The following SLC25A13 variants were observed in gnomAD, a reference collection of about 807,000 sequenced individuals.
The protein encoded by SLC25A13 is solute carrier family 25 member 13.
SLC25A13 carries 70 observed loss-of-function variants against 85.5 expected under a neutral mutation model. The observed-to-expected ratio is 0.82, with a 90% CI of 0.68 to 1.00. The LOEUF is 1.00. Among genes scored for constraint, SLC25A13 ranks in the 50% least tolerant of loss-of-function variants. The pLI is 0.00. For synonymous variants in SLC25A13, 259 were observed against 288.7 expected (o/e 0.90, Z 1.04); for missense variants, 765 against 819.8 (o/e 0.93, Z 0.82).
chr7:96,282,922 G>T (rs1262433155), intron 2 of SLC25A13, among the ~76,000 whole-genome samples: 1 of 152,036 alleles, frequency 6.6e-6, no homozygotes, highest in African/African-American at 2.4e-5. Flanking sequence ...CAACAGATTG[G>T]CATAAAGTCT....
At chr7:96,159,326 G>A (rs1793409144) in intron 13 of SLC25A13, among the ~76,000 whole-genome samples, 1 of 152,210 alleles carries the variant, frequency 6.6e-6, no homozygotes, top group East Asian at 1.9e-4. Context: ...CAGGACCTCA[G>A]AATGTGACCG....
intron 4 of SLC25A13, among the ~76,000 whole-genome samples, chr7:96,229,351 A>G (rs548288008): frequency 3.7e-4 from 57 of 152,312 alleles, no homozygotes; most frequent in African/African-American, 1.3e-3. Flanking sequence ...AAATGCACCA[A>G]TCAGCACTCT....
At chr7:96,277,813 A>G (rs1306726165) in intron 2 of SLC25A13, among the ~76,000 whole-genome samples, 5 of 146,134 alleles carry the variant, frequency 3.4e-5, no homozygotes, top group Admixed American at 1.4e-4. Flanking sequence ...AAAAAAAAAA[A>G]GTGGAATTAC....
At chr7:96,189,409 A>G in intron 8 of SLC25A13, 31 bp from the exon 9 acceptor site, 1 of 1,591,858 alleles carries the variant, frequency 6.3e-7, no homozygotes, top group African/African-American at 1.3e-5. Context: ...CAAGCAACAA[A>G]TATACCAATT....
At chr7:96,158,726 C>A (rs1221537658) in intron 13 of SLC25A13, among the ~76,000 whole-genome samples, 2 of 152,104 alleles carry the variant, frequency 1.3e-5, no homozygotes, top group Non-Finnish European at 2.9e-5. Flanking sequence ...ATTATCTGGA[C>A]ACAAACACAA....
intron 2 of SLC25A13, among the ~76,000 whole-genome samples, chr7:96,290,660 C>G (rs1338242502): frequency 6.7e-6 from 1 of 149,880 alleles, no homozygotes; most frequent in Non-Finnish European, 1.5e-5. Context: ...TTTAAACCAA[C>G]AAAGATCAAA....
intron 1 of SLC25A13, among the ~76,000 whole-genome samples, chr7:96,308,140 C>T (rs549211896): frequency 3.7e-4 from 51 of 139,086 alleles, no homozygotes; most frequent in African/African-American, 1.2e-3. Context: ...GCAACAAGAG[C>T]GAAACTCCAT....
At chr7:96,172,660 C>A (rs1017930905) in intron 11 of SLC25A13, among the ~76,000 whole-genome samples, 2 of 152,174 alleles carry the variant, frequency 1.3e-5, no homozygotes, top group African/African-American at 2.4e-5. Flanking sequence ...GACATCCCAG[C>A]CATCTGCTCT....
At chr7:96,225,183 T>C (rs763209186) in intron 4 of SLC25A13, among the ~76,000 whole-genome samples, 16 of 152,226 alleles carry the variant, frequency 1.1e-4, no homozygotes, top group Non-Finnish European at 2.2e-4. Context: ...CACCTGGTTC[T>C]TCTTCCTTTC....
At chr7:96,121,537 A>G in intron 17 of SLC25A13, 118 bp downstream of exon 17, 1 of 1,394,100 alleles carries the variant, frequency 7.2e-7, no homozygotes, top group Admixed American at 1.7e-5. Flanking sequence ...ACACAATTTC[A>G]ACATTTCCCT....
chr7:96,298,097 T>C (rs1326011509), intron 1 of SLC25A13, among the ~76,000 whole-genome samples: 1 of 152,122 alleles, frequency 6.6e-6, no homozygotes, highest in Admixed American at 6.5e-5. Context: ...AGCCACCCCA[T>C]GATGAAGCCA....
At chr7:96,218,156 C>A (rs548796005) in intron 4 of SLC25A13, among the ~76,000 whole-genome samples, 1 of 152,220 alleles carries the variant, frequency 6.6e-6, no homozygotes, top group Non-Finnish European at 1.5e-5. Flanking sequence ...CAAATATTTA[C>A]AAATACTATT....
At chr7:96,278,125 T>C (rs1371469766) in intron 2 of SLC25A13, among the ~76,000 whole-genome samples, 1 of 152,182 alleles carries the variant, frequency 6.6e-6, no homozygotes, top group Non-Finnish European at 1.5e-5. Context: ...AGAGAGCCCA[T>C]TAATTTCTGT....
intron 2 of SLC25A13, among the ~76,000 whole-genome samples, chr7:96,289,231 G>A (rs2116974241): frequency 6.6e-6 from 1 of 152,270 alleles, no homozygotes; most frequent in African/African-American, 2.4e-5. Context: ...AAACAGAAAG[G>A]ACATCCACAC....
chr7:96,266,468 T>G (rs1798046356), intron 3 of SLC25A13, among the ~76,000 whole-genome samples: 1 of 152,126 alleles, frequency 6.6e-6, no homozygotes, highest in Non-Finnish European at 1.5e-5. Flanking sequence ...TCACCTTTCC[T>G]TTTCAATAAA....
chr7:96,299,872 C>G (rs1298746243), intron 1 of SLC25A13, among the ~76,000 whole-genome samples: 1 of 152,122 alleles, frequency 6.6e-6, no homozygotes, highest in Non-Finnish European at 1.5e-5. Flanking sequence ...TTACTGTAGG[C>G]AACTGTAAAA....
chr7:96,219,858 C>A, intron 4 of SLC25A13: 1 of 423,578 alleles, frequency 2.4e-6, no homozygotes, highest in East Asian at 6.1e-5. Context: ...AACAAAATGG[C>A]TCAAGGCTGG....
rs754907957 is a variant in SLC25A13 at position 96,234,895 on chromosome 7, C to A, written c.235G>T (p.Val79Phe). 6.2e-7 allele frequency: 1 copy of A among 1,613,494 alleles called. No homozygotes were observed. The change falls in exon 4 of 18, where the codon GTT becomes TTT. Residue 79 changes from valine (V) to phenylalanine (F), a missense_variant. Transcript: ENST00000265631. Reference sequence around the variant, plus strand: ...GCACACAGGACAGATTCAAAGGCAACAAATTCTTGAAAAGATATTAATCTG... The same window carrying A: ...GCACACAGGACAGATTCAAAGGCAAAAAATTCTTGAAAAGATATTAATCTG... ...KDGLISFQEF[V>F]AFESVLCAPD...
In SLC25A13 at chr7:96,121,709, G is replaced by A. The variant is rs747060193; in HGVS notation, c.1787C>T (p.Thr596Ile). Residue 596 changes from threonine to isoleucine, a missense_variant, in exon 17 of 18, where the codon ACT (threonine) becomes ATT (isoleucine). By Grantham distance (89) the Thr-to-Ile change is moderately conservative. Transcript: ENST00000265631. ...VFRSSPQFGV[T>I]LLTYELLQRW... ...CTGTAGCAATTCGTAAGTCAGCAAA[G>A]TTACACCAAACTGGGGTGAGGATCG... 4 of 1,614,024 alleles carry A rather than the reference G, an allele frequency of 2.5e-6. No homozygotes were observed. Among genetic ancestry groups the A allele is most frequent in the East Asian group, 2.2e-5 (1 of 44,890 alleles).
Sources: gnomAD v4.1 joint callset for allele counts (sites outside exome capture counted in the v4.1 genomes callset) on GRCh38, gnomAD v4.1.1 for gene constraint, MANE v1.5 for transcripts, NCBI Gene and HGNC (gene_info 2026-07-23, HGNC 2026-07-21) for gene names.